The following AFG2B variants were observed in gnomAD, a reference collection of about 807,000 sequenced individuals.
The protein encoded by AFG2B is ATPase family gene 2 protein homolog B.
the AFG2B span, among the ~76,000 whole-genome samples, chr15:45,416,666 G>A: frequency 6.6e-6 from 1 of 152,154 alleles, no homozygotes; most frequent in Non-Finnish European, 1.5e-5. Flanking sequence ...CAAATATAGG[G>A]AACTTTGTAC....
At chr15:45,416,475 G>A in the AFG2B span, among the ~76,000 whole-genome samples, 23 of 151,752 alleles carry the variant, frequency 1.5e-4, no homozygotes, top group Non-Finnish European at 2.9e-4. Context: ...TTCCTCTCTC[G>A]TTCTCATTCT....
At chr15:45,411,019 T>C in the AFG2B span, among the ~76,000 whole-genome samples, 1 of 152,062 alleles carries the variant, frequency 6.6e-6, no homozygotes, top group South Asian at 2.1e-4. Context: ...CTGGCCAACA[T>C]GGTGAAACCC....
the AFG2B span, among the ~76,000 whole-genome samples, chr15:45,420,608 A>C: frequency 0.017 from 2,535 of 152,234 alleles, 63 homozygotes; most frequent in African/African-American, 0.057. Flanking sequence ...TTTTTAGCAT[A>C]ATGTTTTTAG....
chr15:45,403,279 C>T, the AFG2B span: 189 of 1,588,572 alleles, frequency 1.2e-4, no homozygotes, highest in Non-Finnish European at 1.6e-4. Flanking sequence ...GAACGTGCGG[C>T]GGGTCTTCCA....
chr15:45,421,337 C>CA, the AFG2B span: 1,062 of 631,448 alleles, frequency 1.7e-3, 5 homozygotes, highest in African/African-American at 0.018. Context: ...CAAAACAAAA[C>CA]AAAAAAAACT....
the AFG2B span, chr15:45,417,625 C>G: frequency 2.3e-6 from 1 of 437,976 alleles, no homozygotes; most frequent in Non-Finnish European, 4.1e-6. Flanking sequence ...GTGGCAGACT[C>G]TAAATACTGA....
At chr15:45,402,796 C>T in the AFG2B span, 2 of 1,592,890 alleles carry the variant, frequency 1.3e-6, no homozygotes, top group African/African-American at 1.3e-5. Context: ...GGCAGGCGCG[C>T]CCGGTGCCCG....
chr15:45,402,617 C>G, the AFG2B span: 1 of 1,577,002 alleles, frequency 6.3e-7, no homozygotes, highest in South Asian at 1.1e-5. Flanking sequence ...ACTGCCTGGC[C>G]TCGGCGGGAC....
At chr15:45,415,526 A>T in the AFG2B span, 3 of 1,322,392 alleles carry the variant, frequency 2.3e-6, no homozygotes, top group Non-Finnish European at 3.2e-6. Context: ...GATTATAAAT[A>T]GTAATATCAC....
the AFG2B span, among the ~76,000 whole-genome samples, chr15:45,404,116 C>T: frequency 6.6e-6 from 1 of 152,100 alleles, no homozygotes; most frequent in African/African-American, 2.4e-5. Flanking sequence ...AAGCTTTGGT[C>T]CTAAATTGAC....
At chr15:45,415,872 A>C in the AFG2B span, 1 of 1,216,482 alleles carries the variant, frequency 8.2e-7, no homozygotes, top group Non-Finnish European at 1.2e-6. Context: ...CATATATGCT[A>C]TAGCTTTACC....
At chr15:45,418,807 GC>G in the AFG2B span, 3 of 1,269,696 alleles carry the variant, frequency 2.4e-6, no homozygotes, top group Non-Finnish European at 3.2e-6. Flanking sequence ...GACAGATGTG[GC>G]CCCATCCCTC....
the AFG2B span, among the ~76,000 whole-genome samples, chr15:45,419,839 G>C: frequency 6.6e-6 from 1 of 151,928 alleles, no homozygotes; most frequent in African/African-American, 2.4e-5. Context: ...AACATGGGGA[G>C]ACCCTGTCTC....
At chr15:45,417,004 G>A in the AFG2B span, 1 of 289,104 alleles carries the variant, frequency 3.5e-6, no homozygotes, top group Non-Finnish European at 6.6e-6. Context: ...CTCCCCTTTG[G>A]GATAAGGCTT....
the AFG2B span, chr15:45,403,658 CACGTTCTCTGCCGATATATGATCTGTG>C: frequency 5.6e-6 from 6 of 1,068,084 alleles, no homozygotes; most frequent in African/African-American, 9.9e-5. Context: ...ATGCAGAGAA[CACGTTCTCTGCCGATATATGATCTGTG>C]AGTCAGGACC....
the AFG2B span, chr15:45,417,250 GT>G: frequency 6.2e-7 from 1 of 1,611,548 alleles, no homozygotes; most frequent in Non-Finnish European, 8.5e-7. Context: ...ATTACTTTGT[GT>G]TGTGTGTTTG....
the AFG2B span, among the ~76,000 whole-genome samples, chr15:45,413,148 G>A: frequency 1.3e-5 from 2 of 152,122 alleles, no homozygotes; most frequent in Non-Finnish European, 2.9e-5. Context: ...TTAGCTTTGA[G>A]ACATTAAGCT....
At chr15:45,416,096 G>C in the AFG2B span, among the ~76,000 whole-genome samples, 1 of 152,110 alleles carries the variant, frequency 6.6e-6, no homozygotes, top group African/African-American at 2.4e-5. Context: ...ATTCTTGTTT[G>C]CATGTCCTAA....
At chr15:45,416,913 T>C in the AFG2B span, 1 of 161,268 alleles carries the variant, frequency 6.2e-6, no homozygotes, top group African/African-American at 2.4e-5. Flanking sequence ...TGGTCATAAG[T>C]ATCTGTCTTT....
Sources: gnomAD v4.1 joint callset for allele counts (sites outside exome capture counted in the v4.1 genomes callset) on GRCh38, gnomAD v4.1.1 for gene constraint, MANE v1.5 for transcripts, NCBI Gene and HGNC (gene_info 2026-07-23, HGNC 2026-07-21) for gene names.